The following NARS1 variants were observed in gnomAD, a reference collection of about 807,000 sequenced individuals.
NARS1 encodes the protein asparaginyl-tRNA synthetase 1, also known as asparagine--tRNA ligase, cytoplasmic.
A neutral mutation model predicts 79.2 loss-of-function variants in NARS1; 65 were observed. That is an observed-to-expected ratio of 0.82 (90% CI 0.67 to 1.01). NARS1 has a LOEUF of 1.01. NARS1 is among the 50% of genes least tolerant of loss of function. The probability of loss-of-function intolerance (pLI) is 0.00; values close to 1 mark genes in which losing one functional copy is unlikely to be tolerated. For synonymous variants in NARS1, 229 were observed against 238.8 expected (o/e 0.96, Z 0.38); for missense variants, 649 against 673.8 (o/e 0.96, Z 0.41).
At position 57,606,645 on chromosome 18, in the gene NARS1, C is replaced by T. The variant is rs1242283411; in HGVS notation, c.1108G>A (p.Ala370Thr). 1.6e-5 allele frequency: 26 copies of T among 1,614,132 alleles called. No homozygotes were observed. The highest frequency in any genetic ancestry group is 2.0e-5 in the Non-Finnish European group (24 of 1,179,986). The change falls in exon 10 of 14, where the codon GCA (alanine) becomes ACA (threonine). Residue 370 changes from alanine to threonine, a missense_variant. By Grantham distance (58) the Ala-to-Thr change is moderately conservative (BLOSUM62 0). Coordinates refer to ENST00000256854, the MANE Select transcript of NARS1 (RefSeq NM_004539.4). ...DVVDRILKSP[A>T]GSIVHELNPN... ...TTGAGCTCATGCACTATGCTCCCTG[C>T]AGGTGACTTCAATATTCGATCTACC...
intron 2 of NARS1, among the ~76,000 whole-genome samples, chr18:57,617,202 G>T (rs149272872): frequency 1.0e-3 from 158 of 152,292 alleles, no homozygotes; most frequent in South Asian, 6.0e-3. Context: ...AAGAAATGCA[G>T]TGAATTATTC....
In NARS1 at chr18:57,602,483, C is replaced by T. The variant is rs2051517045; in HGVS notation, c.1387G>A (p.Asp463Asn). 1.2e-6 allele frequency: 2 copies of T among 1,613,506 alleles called. No homozygotes were observed. Among genetic ancestry groups the T allele is most frequent in the Admixed American group, 1.7e-5 (1 of 59,954 alleles). ...TCACCAACATTGGGCATCAACACGT[C>T]GACCTTTAAATATAAGTGAAAGAAG... ...PEDSRLTESV[D>N]VLMPNVGEIV... is the part of the protein sequence containing the mutation. The change falls in exon 13 of 14, where the codon GAC (aspartate) becomes AAC (asparagine). Residue 463 changes from aspartate (D) to asparagine (N), a missense_variant. Asp to Asn is a conservative substitution (Grantham distance 23). Transcript: ENST00000256854.
At chr18:57,604,847 C>G (rs1022766881) in intron 11 of NARS1, among the ~76,000 whole-genome samples, 1 of 152,114 alleles carries the variant, frequency 6.6e-6, no homozygotes, top group Non-Finnish European at 1.5e-5. Flanking sequence ...TATGATCGCA[C>G]CAATGCATTC....
At position 57,602,444 on chromosome 18, in the gene NARS1, A is replaced by G; in HGVS notation, c.1426T>C (p.Ser476Pro). Residue 476 changes from serine to proline, a missense_variant, in exon 13 of 14, where the codon TCA (serine) becomes CCA (proline). Transcript: ENST00000256854. Reference protein sequence around the residue: ...MPNVGEIVGGSMRIFDSEEIL... With the variant: ...MPNVGEIVGGPMRIFDSEEIL... ...TCTTCACTATCAAAGATACGCATTG[A>G]GCCTCCCACAATCTCACCAACATTG... 6.2e-7 allele frequency: 1 copy of G among 1,613,886 alleles called. No individual in the cohort carries two copies. The highest frequency in any genetic ancestry group is 8.5e-7 in the Non-Finnish European group (1 of 1,179,794).
In NARS1 at chr18:57,609,330, ACCCAGTGCG is replaced by A. The variant is rs1276821280; in HGVS notation, c.579+18_579+26del. 6.5e-7 allele frequency: 1 copy of A among 1,544,176 alleles called. No homozygotes were observed. Among genetic ancestry groups the A allele is most frequent in the East Asian group, 2.2e-5 (1 of 44,494 alleles). On this transcript the variant is annotated intron_variant, in intron 7 of 13. Coordinates refer to ENST00000256854, the MANE Select transcript of NARS1 (RefSeq NM_004539.4). ...AAACCAATAAATAAACTATTCATTCACCCAGTGCGAAACTCAATCCACTCACCTGCTTGC... is the reference window on the plus strand; with the variant it reads ...AAACCAATAAATAAACTATTCATTCAAAACTCAATCCACTCACCTGCTTGC...
intron 5 of NARS1, 21 bp from the exon 6 acceptor site, chr18:57,611,728 A>G (rs1422342277): frequency 1.4e-6 from 2 of 1,471,072 alleles, no homozygotes; most frequent in Non-Finnish European, 9.3e-7. Flanking sequence ...AGAAATAATA[A>G]TTTAGGCAGA....
intron 9 of NARS1, 105 bp downstream of exon 9, chr18:57,607,022 CTTAATAT>C: frequency 1.7e-6 from 2 of 1,183,546 alleles, no homozygotes. Flanking sequence ...CCATTAACCA[CTTAATAT>C]ATCAGTTGGT....
In NARS1 at chr18:57,621,729, C is replaced by T; in HGVS notation, c.-12G>A. The T allele has an allele frequency of 3.0e-5, 49 of 1,613,952 alleles. No homozygotes were observed. The highest frequency in any genetic ancestry group is 4.0e-5 in the Non-Finnish European group (47 of 1,179,990). ...CCACCTAGCACCATGCCTGCAGTGG[C>T]CCTGGTCACCTCCAAGGACACAGAC... On this transcript the variant is annotated 5_prime_UTR_variant, in exon 1 of 14. Transcript: ENST00000256854.
In NARS1 at chr18:57,600,689, G is replaced by A. The variant is rs932164972; in HGVS notation, c.*963C>T. On this transcript the variant is annotated 3_prime_UTR_variant, in exon 14 of 14. Coordinates refer to ENST00000256854, the MANE Select transcript of NARS1 (RefSeq NM_004539.4). Reference sequence around the variant, plus strand: ...ACGGGTGTTCATTTATTGACTGCTGGGAATACAGCCTATTGAGAATACATG... The same window carrying A: ...ACGGGTGTTCATTTATTGACTGCTGAGAATACAGCCTATTGAGAATACATG... The A allele has an allele frequency of 1.3e-5, 2 of 152,096 alleles. No individual in the cohort carries two copies. Among genetic ancestry groups the A allele is most frequent in the Non-Finnish European group, 2.9e-5 (2 of 68,020 alleles). The allele number at this position is 152,096 out of a possible 1,614,324, so 9.4% of individuals were successfully genotyped here.
intron 2 of NARS1, among the ~76,000 whole-genome samples, chr18:57,618,851 A>G (rs1462174412): frequency 6.6e-6 from 1 of 151,950 alleles, no homozygotes; most frequent in East Asian, 1.9e-4. Context: ...GCAGTGAGCC[A>G]TGAATGCGCT....
intron 1 of NARS1, 141 bp downstream of exon 1, chr18:57,621,564 CCCT>C: frequency 2.6e-6 from 1 of 391,022 alleles, no homozygotes; most frequent in Non-Finnish European, 5.2e-6. Flanking sequence ...CCAGCACCCT[CCCT>C]CCCTCCCTCC....
intron 12 of NARS1, 49 bp downstream of exon 12, chr18:57,602,763 A>G: frequency 6.3e-7 from 1 of 1,591,748 alleles, no homozygotes; most frequent in South Asian, 1.1e-5. Context: ...GACAGTCCCC[A>G]CCCCCTTAAA....
chr18:57,610,003 T>C (rs1039359735), intron 6 of NARS1, among the ~76,000 whole-genome samples: 1 of 151,970 alleles, frequency 6.6e-6, no homozygotes, highest in Non-Finnish European at 1.5e-5. Context: ...GCTATGATGA[T>C]GCCACTGTAC....
chr18:57,609,075 G>A (rs573528043), intron 7 of NARS1, among the ~76,000 whole-genome samples: 10 of 152,318 alleles, frequency 6.6e-5, no homozygotes, highest in African/African-American at 2.2e-4. Context: ...CAGACTGAAG[G>A]CTGCCCTGTC....
chr18:57,613,572 T>C, intron 5 of NARS1, 30 bp downstream of exon 5: 2 of 1,575,256 alleles, frequency 1.3e-6, no homozygotes. Context: ...TATTTAAACA[T>C]TAAAAAGAAG....
At chr18:57,606,135 G>A (rs2051554267) in intron 10 of NARS1, among the ~76,000 whole-genome samples, 165 bp from the exon 11 acceptor site, 1 of 151,910 alleles carries the variant, frequency 6.6e-6, no homozygotes, top group Non-Finnish European at 1.5e-5. Context: ...GATCACTTGA[G>A]GTCAGGAGTT....
At position 57,615,980 on chromosome 18, in the gene NARS1, G is replaced by T; in HGVS notation, c.94-5C>A. On this transcript the variant is annotated splice_polypyrimidine_tract_variant and splice_region_variant and intron_variant, in intron 2 of 13. Transcript: ENST00000256854. ...TTTCCCTACTGTCATCAAAGCCTTG[G>T]GTAGGGAGGAGAGAAAAGACAGTTC... 6.3e-7 allele frequency: 1 copy of T among 1,589,486 alleles called. No individual in the cohort carries two copies. The highest frequency in any genetic ancestry group is 8.5e-7 in the Non-Finnish European group (1 of 1,171,700).
intron 11 of NARS1, among the ~76,000 whole-genome samples, chr18:57,605,368 G>C (rs1023232641): frequency 6.6e-6 from 1 of 151,458 alleles, no homozygotes; most frequent in Non-Finnish European, 1.5e-5. Flanking sequence ...CAGCACTTTG[G>C]GAGGCTGAGG....
intron 2 of NARS1, 94 bp downstream of exon 2, chr18:57,620,475 A>G (rs943614518): frequency 7.6e-6 from 6 of 787,446 alleles, no homozygotes; most frequent in Non-Finnish European, 1.1e-5. Flanking sequence ...TTTGGAACCT[A>G]GTGTTTGAAA....
Sources: gnomAD v4.1 joint callset for allele counts (sites outside exome capture counted in the v4.1 genomes callset) on GRCh38, gnomAD v4.1.1 for gene constraint, MANE v1.5 for transcripts, NCBI Gene and HGNC (gene_info 2026-07-23, HGNC 2026-07-21) for gene names.